The following WWP2 variants were observed in gnomAD, a reference collection of about 807,000 sequenced individuals.
WWP2 encodes the protein WW domain containing E3 ubiquitin protein ligase 2.
WWP2 carries 57 observed loss-of-function variants against 121.0 expected under a neutral mutation model. The ratio of observed to expected loss-of-function variants is 0.47; its 90% CI spans 0.38 to 0.59. The LOEUF (loss-of-function observed/expected upper bound fraction) is 0.59. WWP2 is among the 20% of genes least tolerant of loss of function. The pLI, the probability that WWP2 is intolerant of heterozygous loss-of-function variation, is 0.00. For synonymous variants in WWP2, 449 were observed against 441.3 expected (o/e 1.02, Z -0.22); for missense variants, 962 against 1,158.9 (o/e 0.83, Z 2.47).
intron 7 of WWP2, among the ~76,000 whole-genome samples, chr16:69,885,987 G>A (rs891099654): frequency 6.6e-6 from 1 of 152,202 alleles, no homozygotes; most frequent in Non-Finnish European, 1.5e-5. Flanking sequence ...GAAGAGGGCA[G>A]CCAGATGATC....
At chr16:69,841,832 T>C (rs1448085266) in intron 5 of WWP2, among the ~76,000 whole-genome samples, 192 bp from the exon 6 acceptor site, 2 of 152,176 alleles carry the variant, frequency 1.3e-5, no homozygotes, top group African/African-American at 4.8e-5. Flanking sequence ...CACTGCTCCA[T>C]GGCATGGATC....
chr16:69,771,490 A>G (rs1225263578), intron 1 of WWP2, among the ~76,000 whole-genome samples: 1 of 152,054 alleles, frequency 6.6e-6, no homozygotes, highest in Non-Finnish European at 1.5e-5. Context: ...CAAGTGATCC[A>G]CCCGCCTGGG....
intron 1 of WWP2, among the ~76,000 whole-genome samples, chr16:69,785,586 C>T (rs1455814359): frequency 3.3e-5 from 5 of 151,102 alleles, no homozygotes; most frequent in African/African-American, 4.9e-5. Flanking sequence ...CTAGCCAAGA[C>T]GGAATGACAG....
intron 4 of WWP2, among the ~76,000 whole-genome samples, chr16:69,815,612 C>T (rs1027198672): frequency 3.3e-5 from 5 of 151,640 alleles, no homozygotes; most frequent in Non-Finnish European, 5.9e-5. Flanking sequence ...GTGGTGAAAC[C>T]CCCGTCTCTA....
chr16:69,822,755 G>A (rs2056616398), intron 4 of WWP2, among the ~76,000 whole-genome samples: 1 of 152,154 alleles, frequency 6.6e-6, no homozygotes, highest in Non-Finnish European at 1.5e-5. Context: ...GCAGGGAGGA[G>A]GCAGGTGCTA....
chr16:69,792,912 A>T lies in WWP2; in HGVS notation c.71-5770A>T, dbSNP rs541875306. Among the ~76,000 whole-genome samples, 27 of 152,058 alleles carry T rather than the reference A, an allele frequency of 1.8e-4. 1 individual carries two copies. The highest frequency in any genetic ancestry group is 1.8e-3 in the Admixed American group (27 of 15,252). ...TGCTGTGGTGCCCAGGCTTGTCTCG[A>T]ACTCCTGGGCTCAGGTGGCCCTTCT... On this transcript the variant is annotated intron_variant, in intron 2 of 23. Coordinates refer to ENST00000359154, the MANE Select transcript of WWP2 (RefSeq NM_001270454.2).
intron 1 of WWP2, chr16:69,776,365 A>T (rs542723130): frequency 2.6e-5 from 4 of 152,326 alleles, no homozygotes; most frequent in African/African-American, 9.6e-5. Context: ...CTTTACCAGG[A>T]TAATCTTGTA....
At chr16:69,918,409 AG>A (rs1270594820) in intron 10 of WWP2, among the ~76,000 whole-genome samples, 56 of 152,354 alleles carry the variant, frequency 3.7e-4, no homozygotes, top group Admixed American at 1.2e-3. Context: ...CCATGGGCCA[AG>A]CTGGCCTGCC....
intron 4 of WWP2, among the ~76,000 whole-genome samples, chr16:69,839,285 A>G (rs932525940): frequency 3.9e-5 from 6 of 152,246 alleles, no homozygotes; most frequent in African/African-American, 1.2e-4. Flanking sequence ...ACTGAAGGCC[A>G]TAGCTCCTGG....
chr16:69,817,394 G>A (rs2056514467), intron 4 of WWP2, among the ~76,000 whole-genome samples: 2 of 151,556 alleles, frequency 1.3e-5, no homozygotes, highest in Non-Finnish European at 2.9e-5. Flanking sequence ...GATTACAGAT[G>A]TGCACCACCA....
intron 9 of WWP2, chr16:69,909,396 T>A (rs2058347908): frequency 1.0e-6 from 1 of 985,790 alleles, no homozygotes; most frequent in South Asian, 4.7e-5. Flanking sequence ...ATATGCACAC[T>A]TCCCCTGCCC....
chr16:69,835,695 A>G (rs2056863812), intron 4 of WWP2, among the ~76,000 whole-genome samples: 1 of 152,146 alleles, frequency 6.6e-6, no homozygotes, highest in Non-Finnish European at 1.5e-5. Context: ...TAATCCCCAA[A>G]ACTTCACCCT....
intron 4 of WWP2, among the ~76,000 whole-genome samples, chr16:69,801,170 CAG>C (rs913244708): frequency 6.0e-5 from 8 of 134,296 alleles, no homozygotes; most frequent in Admixed American, 7.4e-5. Context: ...GCCTGGGTGA[CAG>C]AGCAAGTCTT....
At chr16:69,830,968 A>G (rs1276181005) in intron 4 of WWP2, among the ~76,000 whole-genome samples, 1 of 152,070 alleles carries the variant, frequency 6.6e-6, no homozygotes, top group Non-Finnish European at 1.5e-5. Context: ...CAGTGTTTGC[A>G]GTTATGTGTA....
chr16:69,795,129 A>G (rs1014692065), intron 2 of WWP2, among the ~76,000 whole-genome samples: 1 of 152,094 alleles, frequency 6.6e-6, no homozygotes, highest in African/African-American at 2.4e-5. Flanking sequence ...CCAGCTACTC[A>G]GGAAGCTGAG....
intron 2 of WWP2, among the ~76,000 whole-genome samples, chr16:69,788,777 G>A (rs12596679): frequency 0.27 from 40,471 of 151,790 alleles, 5,947 homozygotes; most frequent in East Asian, 0.41. Flanking sequence ...GATTTTTGTC[G>A]CTTTGGTCAC....
intron 4 of WWP2, among the ~76,000 whole-genome samples, chr16:69,819,687 G>A (rs1299754139): frequency 6.6e-6 from 1 of 152,150 alleles, no homozygotes; most frequent in African/African-American, 2.4e-5. Context: ...GATTACAGGT[G>A]TGAGCCACTG....
At position 69,929,461 on chromosome 16, in the gene WWP2, C is replaced by G. The variant is rs758404167; in HGVS notation, c.1248C>G (p.Asp416Glu). The change falls in exon 12 of 24, where the codon GAC (aspartate) becomes GAG (glutamate). Residue 416 changes from aspartate to glutamate, a missense_variant. Transcript: ENST00000359154. ...PLPPGWEKRQDNGRVYYVNHN... is the reference protein window; with the variant it reads ...PLPPGWEKRQENGRVYYVNHN... ...CTCATGTGGCAGAGAAGAGACAGGACAATGGACGGGTGTATTACGTGAACC... is the reference window on the plus strand; with the variant it reads ...CTCATGTGGCAGAGAAGAGACAGGAGAATGGACGGGTGTATTACGTGAACC... 5.6e-6 allele frequency: 9 copies of G among 1,613,918 alleles called. No individual in the cohort carries two copies. Among genetic ancestry groups the G allele is most frequent in the Non-Finnish European group, 7.6e-6 (9 of 1,179,946 alleles).
rs548647368 is a variant in WWP2 at position 69,770,518 on chromosome 16, T to G, written c.-16+8127T>G. ...CTCGCCCTACGTCTCTTCATTTGTA[T>G]CCTTCATAATATCCTTTATAATAAA... is the stretch of plus-strand genomic sequence containing the variant. On this transcript the variant is annotated intron_variant, in intron 1 of 23. Transcript: ENST00000359154. 3.2e-4 allele frequency among the ~76,000 whole-genome samples: 49 copies of G among 152,314 alleles called. 1 individual carries two copies. Among genetic ancestry groups the G allele is most frequent in the African/African-American group, 1.2e-3 (49 of 41,574 alleles).
Sources: gnomAD v4.1 joint callset for allele counts (sites outside exome capture counted in the v4.1 genomes callset) on GRCh38, gnomAD v4.1.1 for gene constraint, MANE v1.5 for transcripts, NCBI Gene and HGNC (gene_info 2026-07-23, HGNC 2026-07-21) for gene names.